Variants in CAMSAP1 observed in about 807,000 individuals in gnomAD.
CAMSAP1 encodes the protein calmodulin-regulated spectrin-associated protein 1.
A neutral mutation model predicts 143.5 loss-of-function variants in CAMSAP1; 58 were observed. The observed-to-expected ratio is 0.40, with a 90% CI of 0.33 to 0.50. CAMSAP1 has a LOEUF of 0.50. CAMSAP1 is among the 20% of genes least tolerant of loss of function. CAMSAP1 has a pLI of 0.45. For missense variants in CAMSAP1, 1,969 were observed against 2,115.7 expected, an observed-to-expected ratio of 0.93 and a Z score of 1.36; for synonymous variants, 945 against 859.3, an observed-to-expected ratio of 1.10 and a Z score of -1.74.
intron 7 of CAMSAP1, among the ~76,000 whole-genome samples, chr9:135,829,850 CATAA>C (rs10625345): frequency 0.1 from 14,727 of 142,690 alleles, 834 homozygotes; most frequent in Middle Eastern, 0.13. Flanking sequence ...GAGACTCTGT[CATAA>C]ATAAATAAAT....
intron 1 of CAMSAP1, among the ~76,000 whole-genome samples, chr9:135,902,399 CAGGG>C (rs1277350257): frequency 7.2e-5 from 11 of 152,204 alleles, no homozygotes; most frequent in African/African-American, 2.2e-4. Flanking sequence ...CCTGCCAACA[CAGGG>C]AGGAAGACAC....
At chr9:135,833,563 A>T (rs935667702) in intron 7 of CAMSAP1, among the ~76,000 whole-genome samples, 5 of 152,258 alleles carry the variant, frequency 3.3e-5, no homozygotes, top group Non-Finnish European at 7.3e-5. Context: ...CCATGGGGAA[A>T]GGATAGTACC....
At chr9:135,868,255 T>C (rs574103759) in intron 3 of CAMSAP1, among the ~76,000 whole-genome samples, 1 of 152,298 alleles carries the variant, frequency 6.6e-6, no homozygotes, top group African/African-American at 2.4e-5. Flanking sequence ...TACCTTATAG[T>C]ACAACTTCTT....
intron 10 of CAMSAP1, 87 bp from the exon 11 acceptor site, chr9:135,823,347 A>AC: frequency 7.0e-7 from 1 of 1,431,062 alleles, no homozygotes; most frequent in Non-Finnish European, 9.3e-7. Flanking sequence ...TGCCGGCCAC[A>AC]CAAAGAGAAT....
intron 4 of CAMSAP1, among the ~76,000 whole-genome samples, chr9:135,866,154 T>C (rs1202194073): frequency 1.3e-5 from 2 of 152,218 alleles, no homozygotes; most frequent in Admixed American, 1.3e-4. Flanking sequence ...TGTTGACTTG[T>C]GGAAGCTAGC....
At chr9:135,870,358 T>C (rs761318306) in intron 3 of CAMSAP1, among the ~76,000 whole-genome samples, 26 of 152,302 alleles carry the variant, frequency 1.7e-4, no homozygotes, top group Middle Eastern at 3.4e-3. Flanking sequence ...CCTTCCGCCA[T>C]GATTGTAAGT....
chr9:135,855,862 C>T (rs1172295661), intron 5 of CAMSAP1, among the ~76,000 whole-genome samples: 1 of 151,650 alleles, frequency 6.6e-6, no homozygotes, highest in Non-Finnish European at 1.5e-5. Flanking sequence ...ACCATCCTGG[C>T]TAACACGGTG....
intron 7 of CAMSAP1, chr9:135,836,435 C>T: frequency 2.0e-6 from 2 of 984,656 alleles, no homozygotes; most frequent in Non-Finnish European, 2.4e-6. Context: ...CGTCACCACA[C>T]ACTTTCTACC....
At chr9:135,851,843 G>A (rs559701930) in intron 5 of CAMSAP1, among the ~76,000 whole-genome samples, 2 of 152,352 alleles carry the variant, frequency 1.3e-5, no homozygotes, top group Non-Finnish European at 2.9e-5. Flanking sequence ...CAAAGCTTGC[G>A]TGTGCTGTCT....
intron 5 of CAMSAP1, among the ~76,000 whole-genome samples, chr9:135,855,741 C>A (rs1392561833): frequency 8.7e-6 from 1 of 115,020 alleles, no homozygotes; most frequent in Admixed American, 9.5e-5. Context: ...GAGACTTCAT[C>A]TCAATTTAAA....
At chr9:135,823,400 A>G (rs1481343877) in intron 10 of CAMSAP1, 140 bp from the exon 11 acceptor site, 1 of 966,160 alleles carries the variant, frequency 1.0e-6, no homozygotes, top group Non-Finnish European at 1.4e-6. Flanking sequence ...TCTTCCACAG[A>G]GCAGAAGAAA....
intron 16 of CAMSAP1, among the ~76,000 whole-genome samples, chr9:135,814,577 T>A (rs559842595): frequency 4.7e-4 from 71 of 152,194 alleles, no homozygotes; most frequent in Admixed American, 1.3e-3. Context: ...TGCTCCGGAG[T>A]CCACACGCTC....
chr9:135,903,053 C>T (rs969948293), intron 1 of CAMSAP1, among the ~76,000 whole-genome samples: 3 of 152,208 alleles, frequency 2.0e-5, no homozygotes, highest in Non-Finnish European at 4.4e-5. Flanking sequence ...TAAAAGCTTG[C>T]TCTCCACATT....
chr9:135,900,269 G>A (rs931341626), intron 1 of CAMSAP1, among the ~76,000 whole-genome samples: 3 of 151,876 alleles, frequency 2.0e-5, no homozygotes, highest in Admixed American at 6.6e-5. Context: ...AGCAATCCTC[G>A]ACCTCAGCCT....
intron 14 of CAMSAP1, among the ~76,000 whole-genome samples, chr9:135,817,333 T>C (rs1325345243): frequency 6.6e-6 from 1 of 152,136 alleles, no homozygotes; most frequent in African/African-American, 2.4e-5. Flanking sequence ...AATACACACT[T>C]AAGTATTTAA....
chr9:135,866,454 A>T lies in CAMSAP1; in HGVS notation c.666+2T>A. 1 of 1,398,210 alleles carries T rather than the reference A, an allele frequency of 7.2e-7. No individual in the cohort carries two copies. Among genetic ancestry groups the T allele is most frequent in the Non-Finnish European group, 9.9e-7 (1 of 1,007,854 alleles). The allele number at this position is 1,398,210 out of a possible 1,614,324, so 86.6% of individuals were successfully genotyped here. On this transcript the variant is annotated splice_donor_variant, in intron 4 of 16. Coordinates refer to ENST00000389532, the MANE Select transcript of CAMSAP1 (RefSeq NM_015447.4). LOFTEE classifies it high-confidence loss of function. ...TCCAGAAAAATTAAATTTACCCTTT[A>T]CCTTTTGATGAGCTGGACTTTCCAA...
chr9:135,812,563 A>C (rs1835089579), intron 16 of CAMSAP1, among the ~76,000 whole-genome samples: 1 of 152,098 alleles, frequency 6.6e-6, no homozygotes, highest in Non-Finnish European at 1.5e-5. Flanking sequence ...GAGGATGAAA[A>C]TGCTCTGAAA....
intron 5 of CAMSAP1, 70 bp downstream of exon 5, chr9:135,862,397 G>T: frequency 2.1e-6 from 3 of 1,412,280 alleles, no homozygotes; most frequent in Admixed American, 2.3e-5. Flanking sequence ...ATATATATGT[G>T]GATCAATGTA....
chr9:135,904,329 GC>G (rs1838704939), intron 1 of CAMSAP1, among the ~76,000 whole-genome samples: 1 of 151,152 alleles, frequency 6.6e-6, no homozygotes, highest in African/African-American at 2.4e-5. Context: ...AGCCCGGCAG[GC>G]GGAGGTTGCA....
Sources: allele counts gnomAD v4.1 joint callset (sites outside exome capture counted in the v4.1 genomes callset), GRCh38; gene constraint gnomAD v4.1.1; transcripts MANE v1.5; gene names NCBI Gene and HGNC (gene_info 2026-07-23, HGNC 2026-07-21).